The following PTPRC variants were observed in gnomAD, a reference collection of about 807,000 sequenced individuals.
PTPRC encodes protein tyrosine phosphatase receptor type C.
PTPRC carries 44 observed loss-of-function variants against 155.9 expected under a neutral mutation model. The ratio of observed to expected loss-of-function variants is 0.28; its 90% CI spans 0.22 to 0.36. The LOEUF is 0.36. Ranked by LOEUF, PTPRC falls within the 10% of genes least tolerant of loss-of-function variation. The probability of loss-of-function intolerance (pLI) is 1.00; values close to 1 mark genes in which losing one functional copy is unlikely to be tolerated. For synonymous variants in PTPRC, 525 were observed against 533.1 expected, an observed-to-expected ratio of 0.98 and a Z score of 0.21; for missense variants, 1,401 against 1,564.6, an observed-to-expected ratio of 0.90 and a Z score of 1.76.
At chr1:198,695,234 C>T (rs749044824) in intron 3 of PTPRC, 55 of 859,116 alleles carry the variant, frequency 6.4e-5, no homozygotes, top group Non-Finnish European at 7.5e-5. Context: ...TCTTTCCTGT[C>T]CTATCATTTC....
chr1:198,731,883 G>C (rs1305336581), intron 18 of PTPRC, among the ~76,000 whole-genome samples, 157 bp downstream of exon 18: 1 of 151,982 alleles, frequency 6.6e-6, no homozygotes, highest in African/African-American at 2.4e-5. Context: ...AACCAGAAGA[G>C]AGACTCATAG....
intron 10 of PTPRC, 60 bp from the exon 11 acceptor site, chr1:198,709,627 A>G (rs1274389915): frequency 3.0e-6 from 4 of 1,350,284 alleles, no homozygotes; most frequent in Non-Finnish European, 3.0e-6. Context: ...AAATTAGAAA[A>G]TAAATGTGTG....
intron 2 of PTPRC, among the ~76,000 whole-genome samples, chr1:198,676,350 T>A (rs1664950493): frequency 6.6e-6 from 1 of 152,230 alleles, no homozygotes; most frequent in African/African-American, 2.4e-5. Context: ...AGAGACCATG[T>A]CTTTTTTTCA....
At chr1:198,672,737 C>G (rs1664720250) in intron 2 of PTPRC, among the ~76,000 whole-genome samples, 1 of 151,894 alleles carries the variant, frequency 6.6e-6, no homozygotes, top group Non-Finnish European at 1.5e-5. Context: ...ATCTACCAAT[C>G]TTGGCTACCC....
At chr1:198,639,431 G>T in intron 2 of PTPRC, 90 bp downstream of exon 2, 3 of 1,070,108 alleles carry the variant, frequency 2.8e-6, no homozygotes, top group Non-Finnish European at 4.1e-6. Context: ...TAAATGTGTT[G>T]GTAACTGGAA....
chr1:198,694,412 G>A, intron 3 of PTPRC: 1 of 1,112,386 alleles, frequency 9.0e-7, no homozygotes, highest in Non-Finnish European at 1.1e-6. Flanking sequence ...GCACACCCAG[G>A]AACAATACTT....
chr1:198,756,262 T>A lies in PTPRC; in HGVS notation c.*81T>A. 1 of 1,525,756 alleles carries A rather than the reference T, an allele frequency of 6.6e-7. No homozygotes were observed. The highest frequency in any genetic ancestry group is 9.0e-7 in the Non-Finnish European group (1 of 1,111,656). The allele number at this position is 1,525,756 out of a possible 1,614,324, so 94.5% of individuals were successfully genotyped here. ...TGTAGAAGTAGGAAGTGAAAATAGG[T>A]ATACAGTGGATTAATTAAATGCAGC... On this transcript the variant is annotated 3_prime_UTR_variant, in exon 33 of 33. Coordinates refer to ENST00000442510, the MANE Select transcript of PTPRC (RefSeq NM_002838.5).
intron 23 of PTPRC, among the ~76,000 whole-genome samples, chr1:198,739,416 A>G (rs1208761798): frequency 1.3e-5 from 2 of 151,820 alleles, no homozygotes; most frequent in African/African-American, 4.8e-5. Flanking sequence ...ACCTAAAAAG[A>G]GAAGGAGTAC....
At chr1:198,678,497 C>G (rs1176057915) in intron 2 of PTPRC, among the ~76,000 whole-genome samples, 1 of 152,204 alleles carries the variant, frequency 6.6e-6, no homozygotes, top group Non-Finnish European at 1.5e-5. Flanking sequence ...AGCACTGCTG[C>G]CGGTCTAGAT....
chr1:198,655,323 TTA>T (rs1196383481), intron 2 of PTPRC, among the ~76,000 whole-genome samples: 1 of 152,018 alleles, frequency 6.6e-6, no homozygotes, highest in Admixed American at 6.6e-5. Flanking sequence ...ACAATTAATT[TTA>T]GAGAAGCAAG....
At chr1:198,639,729 A>T (rs913656540) in intron 2 of PTPRC, among the ~76,000 whole-genome samples, 13 of 152,060 alleles carry the variant, frequency 8.5e-5, no homozygotes, top group African/African-American at 2.9e-4. Context: ...AACAAATTTG[A>T]TCTTTTAAAA....
At chr1:198,662,052 T>G (rs1346026952) in intron 2 of PTPRC, among the ~76,000 whole-genome samples, 1 of 152,178 alleles carries the variant, frequency 6.6e-6, no homozygotes, top group Admixed American at 6.5e-5. Flanking sequence ...AGCCACCATG[T>G]CCAACTGGTC....
At chr1:198,669,096 T>C (rs1445273584) in intron 2 of PTPRC, among the ~76,000 whole-genome samples, 6 of 152,174 alleles carry the variant, frequency 3.9e-5, no homozygotes, top group Admixed American at 3.9e-4. Context: ...TCTTCGCAAA[T>C]AAAATGGTTG....
chr1:198,754,520 C>CTTT (rs1289834586), intron 32 of PTPRC, 116 bp downstream of exon 32: 2 of 1,197,750 alleles, frequency 1.7e-6, no homozygotes, highest in Non-Finnish European at 2.4e-6. Flanking sequence ...TTCCCCTTTC[C>CTTT]TTTTCTCTTC....
At chr1:198,749,657 A>G (rs1655293100) in intron 28 of PTPRC, 108 bp downstream of exon 28, 2 of 1,026,292 alleles carry the variant, frequency 1.9e-6, no homozygotes, top group South Asian at 1.4e-5. Context: ...GAGCTTGGTC[A>G]TAACTACATA....
Position 198,694,972 on chromosome 1 carries a change from T to C in PTPRC, c.101-1740T>C, listed in dbSNP as rs192403087. The C allele has an allele frequency of 7.8e-3, 7,628 of 981,066 alleles. 37 individuals are homozygous for C. The highest frequency in any genetic ancestry group is 8.7e-3 in the Non-Finnish European group (7,160 of 826,150). The allele number at this position is 981,066 out of a possible 1,614,324, so 60.8% of individuals were successfully genotyped here. ...GATTTATTTGTGAGTTATTTGGTTA[T>C]GAAAATCTAGAGATTGAAGTTTTTC... On this transcript the variant is annotated intron_variant, in intron 3 of 32. Transcript: ENST00000442510.
chr1:198,703,307 T>G lies in PTPRC; in HGVS notation c.593T>G (p.Leu198Arg), dbSNP rs376744253. Residue 198 changes from leucine to arginine, a missense_variant, in exon 7 of 33, where the codon CTT (leucine) becomes CGT (arginine). Physicochemically the swap from Leu to Arg is moderately radical, Grantham distance 102. Transcript: ENST00000442510. ...TITANTSDAY[L>R]NASETTTLSP... is the part of the protein sequence containing the mutation. Reference sequence around the variant, plus strand: ...ATTCATTTTCTTGCAGATGCCTACCTTAATGCCTCTGAAACAACCACTCTG... The same window carrying G: ...ATTCATTTTCTTGCAGATGCCTACCGTAATGCCTCTGAAACAACCACTCTG... The G allele has an allele frequency of 6.2e-7, 1 of 1,613,252 alleles. No homozygotes were observed.
chr1:198,673,898 C>T lies in PTPRC; in HGVS notation c.74-18449C>T, dbSNP rs376770129. On this transcript the variant is annotated intron_variant, in intron 2 of 32. Transcript: ENST00000442510. ...GAAATTTTGAAGTATTAATAATGTA[C>T]TTCTCTCCCAAAATTGTTTTAATGT... 3.3e-5 allele frequency among the ~76,000 whole-genome samples: 5 copies of T among 152,160 alleles called. No individual in the cohort carries two copies. The South Asian group carries it at 8.3e-4, about 25-fold the overall frequency.
Position 198,696,777 on chromosome 1 carries a change from G to T in PTPRC, c.166G>T (p.Ala56Ser), listed in dbSNP as rs1490524921. The T allele has an allele frequency of 6.2e-7, 1 of 1,613,992 alleles. No homozygotes were observed. Among genetic ancestry groups the T allele is most frequent in the African/African-American group, 1.3e-5 (1 of 75,000 alleles). Residue 56 changes from alanine (A) to serine (S), a missense_variant, in exon 4 of 33, where the codon GCA becomes TCA. Coordinates refer to ENST00000442510, the MANE Select transcript of PTPRC (RefSeq NM_002838.5). ...TGACCCCTTACCTACTCACACCACT[G>T]CATTCTCACCCGCAAGCACCTTTGA... ...SSDPLPTHTT[A>S]FSPASTFERE...
Sources: gnomAD v4.1 joint callset for allele counts (sites outside exome capture counted in the v4.1 genomes callset) on GRCh38, gnomAD v4.1.1 for gene constraint, MANE v1.5 for transcripts, NCBI Gene and HGNC (gene_info 2026-07-23, HGNC 2026-07-21) for gene names.